Variants in ARHGEF18 observed in about 807,000 individuals in gnomAD.
The protein encoded by ARHGEF18 is rho guanine nucleotide exchange factor 18.
A neutral mutation model predicts 155.7 loss-of-function variants in ARHGEF18; 93 were observed. The observed-to-expected ratio is 0.60, with a 90% CI of 0.50 to 0.71. The LOEUF is 0.71. ARHGEF18 is among the 30% of genes least tolerant of loss of function. The pLI is 0.00. For missense variants in ARHGEF18, 1,593 were observed against 1,816.1 expected, an observed-to-expected ratio of 0.88 and a Z score of 2.23; for synonymous variants, 742 against 753.1, an observed-to-expected ratio of 0.99 and a Z score of 0.24.
intron 24 of ARHGEF18, 33 bp from the exon 25 acceptor site, chr19:7,467,038 T>C: frequency 1.2e-6 from 2 of 1,611,020 alleles, no homozygotes; most frequent in Non-Finnish European, 1.7e-6. Flanking sequence ...CTCAGCCCGA[T>C]AACTAGCATC....
intron 27 of ARHGEF18, among the ~76,000 whole-genome samples, 162 bp downstream of exon 27, chr19:7,469,293 C>T (rs910799404): frequency 2.6e-5 from 4 of 152,210 alleles, no homozygotes; most frequent in African/African-American, 9.6e-5. Flanking sequence ...CACACAGGGC[C>T]GTGTTTGGTC....
chr19:7,440,066 T>TGGCGCCGCGCCGGGTCCC lies in ARHGEF18; in HGVS notation c.968-275_968-258dup, dbSNP rs1974527439. 6.5e-7 allele frequency: 1 copy of TGGCGCCGCGCCGGGTCCC among 1,550,166 alleles called. No individual in the cohort carries two copies. Among genetic ancestry groups the TGGCGCCGCGCCGGGTCCC allele is most frequent in the African/African-American group, 1.4e-5 (1 of 72,898 alleles). ...GGCATAAAAACGGCGCAGCCCAGCCTGGCGCCGCGCCGGGTCCCGGAGCCC... is the reference window on the plus strand; with the variant it reads ...GGCATAAAAACGGCGCAGCCCAGCCTGGCGCCGCGCCGGGTCCCGGCGCCGCGCCGGGTCCCGGAGCCC... On this transcript the variant is annotated intron_variant, in intron 10 of 28. Transcript: ENST00000668164. This position sits in a 1 kb window ranked among gnomAD's most constrained non-coding sequence, Gnocchi z 5.4.
chr19:7,370,235 C>A (rs1196560778), intron 2 of ARHGEF18, among the ~76,000 whole-genome samples: 3 of 151,942 alleles, frequency 2.0e-5, no homozygotes, highest in African/African-American at 7.3e-5. Context: ...GTGGCTCACG[C>A]CTGTAATCCC....
intron 10 of ARHGEF18, among the ~76,000 whole-genome samples, chr19:7,407,427 A>G (rs1466388715): frequency 6.8e-6 from 1 of 147,100 alleles, no homozygotes; most frequent in African/African-American, 2.5e-5. Flanking sequence ...CTGAGTCTCA[A>G]AAAAAAAAAA....
chr19:7,369,497 G>C (rs1396964047), intron 2 of ARHGEF18, among the ~76,000 whole-genome samples: 1 of 149,376 alleles, frequency 6.7e-6, no homozygotes, highest in Non-Finnish European at 1.5e-5. Flanking sequence ...AAGAAAGAAA[G>C]GAAAGTTAAA....
At chr19:7,407,812 A>T (rs1284194235) in intron 10 of ARHGEF18, among the ~76,000 whole-genome samples, 2 of 151,798 alleles carry the variant, frequency 1.3e-5, no homozygotes, top group Admixed American at 1.3e-4. Context: ...AATACAAAAA[A>T]ACTAGCCGGG....
In ARHGEF18 at chr19:7,444,168, C is replaced by T. The variant is rs1456885947; in HGVS notation, c.1361-36C>T. On this transcript the variant is annotated intron_variant, in intron 13 of 28. Coordinates refer to ENST00000668164, the MANE Select transcript of ARHGEF18 (RefSeq NM_001367823.1). This position sits in a 1 kb window ranked among gnomAD's most constrained non-coding sequence, Gnocchi z 4.7. ...CGACTGCCCAGCGGGGCCGTGGAGC[C>T]AGCATGGCTAAGTCCTGCCGTCTGT... is the stretch of plus-strand genomic sequence containing the variant. 5.6e-6 allele frequency: 9 copies of T among 1,602,702 alleles called. No homozygotes were observed. The highest frequency in any genetic ancestry group is 7.7e-6 in the Non-Finnish European group (9 of 1,172,426).
chr19:7,469,731 C>T (rs533348225), intron 27 of ARHGEF18, among the ~76,000 whole-genome samples, 173 bp from the exon 28 acceptor site: 56 of 152,180 alleles, frequency 3.7e-4, no homozygotes, highest in Admixed American at 1.3e-3. Context: ...AGGTTGGGGC[C>T]GTTCTCCCTG....
At chr19:7,473,482 C>T (rs111782753), downstream of ARHGEF18, 2,941 of 355,106 alleles carry the variant, frequency 8.3e-3, 20 homozygotes, top group Non-Finnish European at 0.012. Flanking sequence ...CCAGCCTGGG[C>T]AACATAGTGA....
intron 22 of ARHGEF18, among the ~76,000 whole-genome samples, chr19:7,464,239 T>C (rs1035217983): frequency 6.6e-6 from 1 of 152,152 alleles, no homozygotes; most frequent in African/African-American, 2.4e-5. Context: ...GGTTTCACCA[T>C]GTTGGCCAGG....
chr19:7,373,009 C>T lies in ARHGEF18; in HGVS notation c.213C>T (p.Ser71=). Reference sequence around the variant, plus strand: ...CTCTTTTCTCCAGCTTGGCAGGGTCCCAAGACCTGTCAAGGCGGCGCAGCT... The same window carrying T: ...CTCTTTTCTCCAGCTTGGCAGGGTCTCAAGACCTGTCAAGGCGGCGCAGCT... ...RDSLFSSLAG[S]QDLSRRRSWE... is the part of the protein sequence containing the mutation. The change falls in exon 3 of 29, where the codon TCC becomes TCT. Residue 71 remains serine (S), a synonymous_variant. Transcript: ENST00000668164. 8.1e-7 allele frequency: 1 copy of T among 1,234,420 alleles called. No individual in the cohort carries two copies. Among genetic ancestry groups the T allele is most frequent in the Non-Finnish European group, 1.0e-6 (1 of 988,204 alleles). 76.5% of individuals were successfully genotyped at this position (1,234,420 alleles called of 1,614,324 possible).
In ARHGEF18 at chr19:7,409,059, T is replaced by C. The variant is rs984505704; in HGVS notation, c.967+25856T>C. Among the ~76,000 whole-genome samples, 13 of 140,860 alleles carry C rather than the reference T, an allele frequency of 9.2e-5. No homozygotes were observed. The East Asian group carries it at 2.2e-3, about 24-fold the overall frequency. 92.4% of individuals were successfully genotyped at this position (140,860 alleles called of 152,430 possible). A position where few individuals can be genotyped will look rare whatever the true frequency, so the allele number is the denominator to read the frequency against. Reference sequence around the variant, plus strand: ...TGGGCAAGAGCAAGACCCTGTTTCTTTTTTTTTTTTTTTTTTTTGAGTTGG... The same window carrying C: ...TGGGCAAGAGCAAGACCCTGTTTCTCTTTTTTTTTTTTTTTTTTGAGTTGG... On this transcript the variant is annotated intron_variant, in intron 10 of 28. Transcript: ENST00000668164.
chr19:7,354,548 G>T (rs1214065143), intron 1 of ARHGEF18, among the ~76,000 whole-genome samples: 1 of 152,132 alleles, frequency 6.6e-6, no homozygotes, highest in Non-Finnish European at 1.5e-5. Flanking sequence ...TCCACCACGA[G>T]GGGGCAGCAC....
At chr19:7,461,537 G>A (rs541031642) in intron 20 of ARHGEF18, among the ~76,000 whole-genome samples, 11 of 152,100 alleles carry the variant, frequency 7.2e-5, no homozygotes, top group African/African-American at 1.7e-4. Flanking sequence ...GCGACAGAGC[G>A]AGACTCCTTC....
intron 10 of ARHGEF18, among the ~76,000 whole-genome samples, chr19:7,437,417 C>T (rs1366830571): frequency 8.4e-6 from 1 of 118,468 alleles, no homozygotes; most frequent in Non-Finnish European, 1.7e-5. Flanking sequence ...AGCGGAAATC[C>T]GTCTCAAAAA....
At position 7,470,724 on chromosome 19, in the gene ARHGEF18, C is replaced by G. The variant is rs1976975978; in HGVS notation, c.*426C>G. 1.2e-5 allele frequency: 5 copies of G among 400,732 alleles called. No individual in the cohort carries two copies. The highest frequency in any genetic ancestry group is 3.1e-4 in the Middle Eastern group (1 of 3,214). 24.8% of individuals were successfully genotyped at this position (400,732 alleles called of 1,614,324 possible). On this transcript the variant is annotated 3_prime_UTR_variant, in exon 29 of 29. Transcript: ENST00000668164. This position sits in a 1 kb window ranked among gnomAD's most constrained non-coding sequence, Gnocchi z 5.9. ...TTGAGAAGGAGCTGCCGGCCGGGGC[C>G]ACGCTCCACAGCCGCCGCGCGACAG...
intron 7 of ARHGEF18, 27 bp downstream of exon 7, chr19:7,379,193 G>C: frequency 8.1e-7 from 1 of 1,232,160 alleles, no homozygotes; most frequent in Non-Finnish European, 1.0e-6. Context: ...ACAGGCTTGA[G>C]GGGAGCAAAG....
intron 10 of ARHGEF18, among the ~76,000 whole-genome samples, chr19:7,413,623 ATGG>A (rs947293539): frequency 2.6e-5 from 4 of 152,058 alleles, no homozygotes; most frequent in Admixed American, 2.0e-4. Context: ...TTAATTAGCC[ATGG>A]TGGTGTGCAC....
At chr19:7,451,014 T>C in intron 15 of ARHGEF18, 135 bp from the exon 16 acceptor site, 1 of 806,454 alleles carries the variant, frequency 1.2e-6, no homozygotes, top group South Asian at 1.6e-5. Context: ...ATTTCCGAGA[T>C]GTTAATATGG....
Sources: gnomAD v4.1 joint callset for allele counts (sites outside exome capture counted in the v4.1 genomes callset) on GRCh38, gnomAD v4.1.1 for gene constraint, Gnocchi (gnomAD v3.1) non-coding constraint, MANE v1.5 for transcripts, NCBI Gene and HGNC (gene_info 2026-07-23, HGNC 2026-07-21) for gene names.